The following C16orf89 variants were observed in gnomAD, a reference collection of about 807,000 sequenced individuals.
C16orf89 encodes the protein UPF0764 protein C16orf89.
In C16orf89, 57 loss-of-function variants were observed where a neutral mutation model predicts 41.5. That is an observed-to-expected ratio of 1.38 (90% confidence interval 1.11 to 1.71). C16orf89 has a LOEUF of 1.71. C16orf89 is among the 40% of genes most tolerant of loss of function. The pLI, the probability that C16orf89 is intolerant of heterozygous loss-of-function variation, is 0.00. For synonymous variants in C16orf89, 223 were observed against 190.6 expected (o/e 1.17, Z -1.40); for missense variants, 575 against 445.9 (o/e 1.29, Z -2.61).
intron 6 of C16orf89, among the ~76,000 whole-genome samples, chr16:5,051,199 C>G (rs939553676): frequency 6.6e-6 from 1 of 151,976 alleles, no homozygotes; most frequent in East Asian, 1.9e-4. Flanking sequence ...GAAGTCTTAG[C>G]CAGAGCAATT....
chr16:5,053,963 C>T (rs760100686), intron 6 of C16orf89, among the ~76,000 whole-genome samples: 1 of 152,112 alleles, frequency 6.6e-6, no homozygotes, highest in Non-Finnish European at 1.5e-5. Context: ...CACACTGTAC[C>T]CTATAAATAT....
At chr16:5,056,319 G>T (rs1478991060) in intron 4 of C16orf89, 131 bp from the exon 5 acceptor site, 15 of 788,858 alleles carry the variant, frequency 1.9e-5, no homozygotes, top group Non-Finnish European at 2.8e-5. Flanking sequence ...GTTTAGGGCA[G>T]GTCTTTTTCT....
In C16orf89 at chr16:5,056,057, T is replaced by C. The variant is rs1176803752; in HGVS notation, c.759A>G (p.Glu253=). ...GGGGCAGAATGCTGGCCATACTGTT[T>C]TCCATGAAGATGTCCCGGGTAGGGT... ...YAYPTRDIFM[E]NIMFCGMGGF... is the part of the protein sequence containing the mutation. Residue 253 remains glutamate, a synonymous_variant, in exon 5 of 8, where the codon GAA becomes GAG. Transcript: ENST00000472572. 1 of 1,591,426 alleles carries C rather than the reference T, an allele frequency of 6.3e-7. No homozygotes were observed. The highest frequency in any genetic ancestry group is 2.3e-5 in the East Asian group (1 of 43,868).
intron 4 of C16orf89, among the ~76,000 whole-genome samples, chr16:5,056,627 CAA>C (rs147618825): frequency 6.6e-6 from 1 of 152,112 alleles, no homozygotes; most frequent in African/African-American, 2.4e-5. Flanking sequence ...CAGTGCTACT[CAA>C]AGTGTGGGCC....
At chr16:5,055,543 C>T in intron 5 of C16orf89, 193 bp from the exon 6 acceptor site, 3 of 1,018,294 alleles carry the variant, frequency 2.9e-6, no homozygotes, top group East Asian at 2.6e-5. Flanking sequence ...TGCTTGTGTC[C>T]CGCCTCCCAC....
chr16:5,059,571 A>G lies in C16orf89; in HGVS notation c.509+715T>C, dbSNP rs561665726. 6.6e-5 allele frequency among the ~76,000 whole-genome samples: 10 copies of G among 152,272 alleles called. No individual in the cohort carries two copies. The South Asian group carries it at 1.7e-3, about 25-fold the overall frequency. ...TGTCCTGGCCTAAGCACTGCTCTGA[A>G]GGATGCTGACAGGATGCGGCCTGGG... On this transcript the variant is annotated intron_variant, in intron 3 of 7. Coordinates refer to ENST00000472572, the MANE Select transcript of C16orf89 (RefSeq NM_001098514.3).
rs1284925077 is a variant in C16orf89, at chr16:5,044,596, CT to C, written c.956-119del. 13 of 1,519,962 alleles carry C rather than the reference CT, an allele frequency of 8.6e-6. No homozygotes were observed. In the African/African-American group the frequency reaches 1.6e-4, roughly 19 times the overall value. The allele number at this position is 1,519,962 out of a possible 1,614,324, so 94.2% of individuals were successfully genotyped here. ...GGTGGCTCACACCTATAATCCCACA[CT>C]TTGGGAGCCTGAGGTGGGCGGATCT... On this transcript the variant is annotated intron_variant, in intron 7 of 7. Coordinates refer to ENST00000472572, the MANE Select transcript of C16orf89 (RefSeq NM_001098514.3).
chr16:5,049,797 G>C (rs1956364709), intron 6 of C16orf89, among the ~76,000 whole-genome samples: 1 of 152,018 alleles, frequency 6.6e-6, no homozygotes, highest in Admixed American at 6.6e-5. Context: ...CAAGGAACTA[G>C]AAAAGCAAGA....
At chr16:5,043,960 A>G (rs1956245182), downstream of C16orf89, 1 of 229,172 alleles carries the variant, frequency 4.4e-6, no homozygotes, top group Non-Finnish European at 7.2e-6. Context: ...TTGAGGCTGC[A>G]GTGAGCCTAG....
chr16:5,056,266 G>A (rs971416186), intron 4 of C16orf89, 78 bp from the exon 5 acceptor site: 27 of 1,404,520 alleles, frequency 1.9e-5, no homozygotes, highest in African/African-American at 9.9e-5. Context: ...GGAAAGTCTT[G>A]CAGTTCTGAG....
chr16:5,050,141 GC>G (rs1427816264), intron 6 of C16orf89, among the ~76,000 whole-genome samples: 1 of 152,120 alleles, frequency 6.6e-6, no homozygotes, highest in East Asian at 1.9e-4. Flanking sequence ...GCCAAGGTGG[GC>G]AGATCACTTG....
downstream of C16orf89, chr16:5,042,779 C>G (rs534013698): frequency 1.3e-5 from 2 of 152,360 alleles, no homozygotes; most frequent in African/African-American, 4.8e-5. The surrounding 1 kb of genome is among the most constrained non-coding windows in gnomAD (Gnocchi z 4.2). Flanking sequence ...TCATAATGTC[C>G]CAGAAGGTTT....
At chr16:5,059,032 G>C (rs1956565156) in intron 3 of C16orf89, among the ~76,000 whole-genome samples, 1 of 151,916 alleles carries the variant, frequency 6.6e-6, no homozygotes, top group Admixed American at 6.6e-5. Context: ...CTGAGGTCAG[G>C]AGTTCGAGAC....
chr16:5,055,826 A>G (rs1207440569), intron 5 of C16orf89: 15 of 1,374,284 alleles, frequency 1.1e-5, no homozygotes, highest in African/African-American at 2.9e-5. Flanking sequence ...GAGTGTAAGT[A>G]TATCCCATGA....
At chr16:5,063,854 C>T (rs184861964) in intron 1 of C16orf89, among the ~76,000 whole-genome samples, 82 of 152,264 alleles carry the variant, frequency 5.4e-4, no homozygotes, top group African/African-American at 1.8e-3. Context: ...GGGCTGGGCA[C>T]GGTGGCTCAC....
intron 6 of C16orf89, among the ~76,000 whole-genome samples, chr16:5,049,777 T>C (rs1458837450): frequency 2.0e-5 from 3 of 151,916 alleles, no homozygotes; most frequent in Non-Finnish European, 4.4e-5. Context: ...AACGAACTAA[T>C]GATACATCCC....
At chr16:5,057,551 C>T (rs558042994) in intron 4 of C16orf89, among the ~76,000 whole-genome samples, 28 of 149,860 alleles carry the variant, frequency 1.9e-4, no homozygotes, top group African/African-American at 6.4e-4. Flanking sequence ...ATATAGAGAG[C>T]GGCATATATA....
chr16:5,063,501 C>T (rs1596708131), intron 1 of C16orf89, among the ~76,000 whole-genome samples: 1 of 152,304 alleles, frequency 6.6e-6, no homozygotes, highest in Middle Eastern at 3.4e-3. Context: ...TGGGGCCGCA[C>T]AGCAGGAGGT....
intron 2 of C16orf89, among the ~76,000 whole-genome samples, chr16:5,060,802 C>G (rs996513308): frequency 3.3e-5 from 5 of 151,960 alleles, no homozygotes; most frequent in Non-Finnish European, 5.9e-5. Context: ...ACGTTCAAGA[C>G]CAGCCTAGGC....
Sources: gnomAD v4.1 joint callset for allele counts (sites outside exome capture counted in the v4.1 genomes callset) on GRCh38, gnomAD v4.1.1 for gene constraint, Gnocchi (gnomAD v3.1) non-coding constraint, MANE v1.5 for transcripts, NCBI Gene and HGNC (gene_info 2026-07-23, HGNC 2026-07-21) for gene names.